Variants in PTPRM observed in about 807,000 individuals in gnomAD.
PTPRM encodes receptor-type tyrosine-protein phosphatase mu.
In PTPRM, 47 loss-of-function variants were observed where a neutral mutation model predicts 186.7. The ratio of observed to expected loss-of-function variants is 0.25; its 90% CI spans 0.20 to 0.32. The LOEUF is 0.32. Among genes scored for constraint, PTPRM ranks in the 10% least tolerant of loss-of-function variants. PTPRM has a pLI of 1.00. For synonymous variants in PTPRM, 668 were observed against 674.9 expected (o/e 0.99, Z 0.16); for missense variants, 1,494 against 1,865.0 (o/e 0.80, Z 3.66).
intron 20 of PTPRM, among the ~76,000 whole-genome samples, chr18:8,298,661 G>A (rs768384277): frequency 2.0e-5 from 3 of 152,326 alleles, no homozygotes; most frequent in East Asian, 1.9e-4. Flanking sequence ...ACAACACCAC[G>A]AAATAGGTAG....
At chr18:7,642,473 G>T (rs1339721969) in intron 1 of PTPRM, among the ~76,000 whole-genome samples, 1 of 152,118 alleles carries the variant, frequency 6.6e-6, no homozygotes, top group East Asian at 1.9e-4. Context: ...TGAGATAGAA[G>T]TTAGAAAATG....
chr18:8,264,684 A>G (rs556910790), intron 19 of PTPRM, among the ~76,000 whole-genome samples: 2 of 150,560 alleles, frequency 1.3e-5, no homozygotes, highest in South Asian at 4.2e-4. Context: ...CAGGGGAATC[A>G]CTTGAACCCA....
intron 14 of PTPRM, among the ~76,000 whole-genome samples, chr18:8,216,215 C>T (rs562429555): frequency 7.2e-5 from 11 of 151,978 alleles, no homozygotes; most frequent in African/African-American, 2.2e-4. Flanking sequence ...TTTTCTTTAA[C>T]GTTTTTCCAA....
chr18:8,150,480 T>C (rs2092980768), intron 14 of PTPRM, among the ~76,000 whole-genome samples: 1 of 152,212 alleles, frequency 6.6e-6, no homozygotes, highest in Admixed American at 6.5e-5. Context: ...TCTCGTGCTG[T>C]GCTTTTCAGC....
At chr18:8,277,032 G>A (rs2094844257) in intron 19 of PTPRM, among the ~76,000 whole-genome samples, 1 of 151,956 alleles carries the variant, frequency 6.6e-6, no homozygotes, top group Non-Finnish European at 1.5e-5. Context: ...CCCTGCCTGG[G>A]TTCAATTGAT....
At chr18:7,594,057 C>A (rs1268447021) in intron 1 of PTPRM, among the ~76,000 whole-genome samples, 1 of 152,102 alleles carries the variant, frequency 6.6e-6, no homozygotes, top group Non-Finnish European at 1.5e-5. Flanking sequence ...TCTATACGAC[C>A]CTCTCCGTTC....
chr18:7,900,570 T>C (rs2049613384), intron 3 of PTPRM, among the ~76,000 whole-genome samples: 1 of 152,208 alleles, frequency 6.6e-6, no homozygotes, highest in African/African-American at 2.4e-5. Flanking sequence ...TGTATATATA[T>C]GTATGTAAAG....
At chr18:7,720,737 T>A (rs640664) in intron 1 of PTPRM, among the ~76,000 whole-genome samples, 9,123 of 152,238 alleles carry the variant, frequency 0.06, 335 homozygotes, top group Middle Eastern at 0.16. Flanking sequence ...AATATTTATC[T>A]TTTTGTGACT....
chr18:8,142,726 C>T (rs2092793402), intron 13 of PTPRM, among the ~76,000 whole-genome samples: 1 of 152,140 alleles, frequency 6.6e-6, no homozygotes, highest in Admixed American at 6.5e-5. Context: ...GACCTGTCAC[C>T]TAGTAAGGGT....
chr18:8,266,966 T>A (rs57692565), intron 19 of PTPRM, among the ~76,000 whole-genome samples: 3 of 152,158 alleles, frequency 2.0e-5, no homozygotes, highest in African/African-American at 7.2e-5. Context: ...TTTTAAAAAC[T>A]TCTTCACTCC....
intron 14 of PTPRM, among the ~76,000 whole-genome samples, chr18:8,145,049 A>G (rs1230964579): frequency 6.6e-6 from 1 of 152,182 alleles, no homozygotes; most frequent in Non-Finnish European, 1.5e-5. Context: ...TTTTAGGAAT[A>G]TAACTCTAAC....
At chr18:8,102,878 T>C (rs907917021) in intron 11 of PTPRM, among the ~76,000 whole-genome samples, 1 of 152,146 alleles carries the variant, frequency 6.6e-6, no homozygotes, top group Admixed American at 6.5e-5. Context: ...TAATAAGACA[T>C]GAAAGTTAAA....
chr18:7,806,476 TCA>T (rs2044239655), intron 2 of PTPRM, among the ~76,000 whole-genome samples: 1 of 152,068 alleles, frequency 6.6e-6, no homozygotes, highest in South Asian at 2.1e-4. Context: ...TTAAAATTAA[TCA>T]CAGACTAATT....
intron 8 of PTPRM, among the ~76,000 whole-genome samples, chr18:8,072,475 T>TAA (rs2089544041): frequency 6.6e-6 from 1 of 152,174 alleles, no homozygotes; most frequent in Non-Finnish European, 1.5e-5. Context: ...AGCGTTTCAT[T>TAA]AATTAGAAAA....
rs116943012 is a variant in PTPRM, at chr18:7,612,025, C to T, written c.73+44134C>T. On this transcript the variant is annotated intron_variant, in intron 1 of 32. Coordinates refer to ENST00000580170, the MANE Select transcript of PTPRM (RefSeq NM_001105244.2). ...TTGTCTAACTATACGTTTCTCAGAA[C>T]GTGTCCCTGTCATTGACACATGACT... 1.1e-3 allele frequency among the ~76,000 whole-genome samples: 175 copies of T among 152,290 alleles called. 1 individual carries two copies. The East Asian group carries it at 0.028, about 25-fold the overall frequency.
At chr18:7,614,790 GTT>G (rs1184795601) in intron 1 of PTPRM, among the ~76,000 whole-genome samples, 1 of 152,162 alleles carries the variant, frequency 6.6e-6, no homozygotes, top group Non-Finnish European at 1.5e-5. Context: ...ACAGGCATGT[GTT>G]TATCTTGTAA....
chr18:7,965,897 G>C (rs2054010020), intron 7 of PTPRM, among the ~76,000 whole-genome samples: 1 of 152,138 alleles, frequency 6.6e-6, no homozygotes, highest in South Asian at 2.1e-4. Flanking sequence ...AGTGGCATCT[G>C]GCCTCCAGTT....
At chr18:8,220,304 G>C (rs1335657759) in intron 14 of PTPRM, among the ~76,000 whole-genome samples, 1 of 152,176 alleles carries the variant, frequency 6.6e-6, no homozygotes, top group Non-Finnish European at 1.5e-5. Context: ...TTCAAACTGT[G>C]TACCAACTTG....
chr18:7,772,444 C>CTTCCTTCCTTCCTTCCTTCCTTCCTT (rs1457362330), intron 1 of PTPRM, among the ~76,000 whole-genome samples: 1 of 92,352 alleles, frequency 1.1e-5, no homozygotes, highest in African/African-American at 5.2e-5. Context: ...CTTCCCCTTC[C>CTTCCTTCCTTCCTTCCTTCCTTCCTT]CCTTCCTTCC....
Sources: allele counts gnomAD v4.1 joint callset (sites outside exome capture counted in the v4.1 genomes callset), GRCh38; gene constraint gnomAD v4.1.1; transcripts MANE v1.5; gene names NCBI Gene and HGNC (gene_info 2026-07-23, HGNC 2026-07-21).